Variants in HAVCR1 observed in about 807,000 individuals in gnomAD.
The protein encoded by HAVCR1 is T cell immunoglobin domain and mucin domain protein 1.
In HAVCR1, 34 loss-of-function variants were observed where a neutral mutation model predicts 32.0. The ratio of observed to expected loss-of-function variants is 1.06; its 90% confidence interval spans 0.81 to 1.42. The LOEUF (loss-of-function observed/expected upper bound fraction) is 1.42. Among genes scored for constraint, HAVCR1 ranks in the 40% most tolerant of loss-of-function variants. HAVCR1 has a pLI of 0.00. For synonymous variants in HAVCR1, 178 were observed against 170.3 expected (o/e 1.05, Z -0.35); for missense variants, 420 against 442.3 (o/e 0.95, Z 0.45).
intron 6 of HAVCR1, among the ~76,000 whole-genome samples, chr5:157,041,959 C>T (rs953026746): frequency 9.3e-5 from 14 of 150,510 alleles, no homozygotes; most frequent in South Asian, 4.2e-4. Flanking sequence ...CTCTGGAGGC[C>T]GAGGCAGGAG....
chr5:157,050,923 A>G (rs1017005890), intron 4 of HAVCR1, among the ~76,000 whole-genome samples: 2 of 152,234 alleles, frequency 1.3e-5, no homozygotes, highest in East Asian at 1.9e-4. Context: ...AGGGAAATCA[A>G]TATGTTCCAT....
At chr5:157,055,875 A>C (rs1038518808) in intron 2 of HAVCR1, among the ~76,000 whole-genome samples, 4 of 89,006 alleles carry the variant, frequency 4.5e-5, no homozygotes, top group South Asian at 3.8e-4. Flanking sequence ...CCCTCCCCCA[A>C]AAAAAAATTC....
intron 1 of HAVCR1, chr5:157,058,452 ACT>A (rs1444887221): frequency 6.5e-6 from 1 of 153,414 alleles, no homozygotes; most frequent in Admixed American, 6.5e-5. Context: ...AGTCCCAGCT[ACT>A]CGGGAGGCTG....
chr5:157,037,504 T>C, intron 6 of HAVCR1, 143 bp from the exon 7 acceptor site: 1 of 586,704 alleles, frequency 1.7e-6, no homozygotes, highest in South Asian at 2.2e-5. Flanking sequence ...CCAAATGATC[T>C]CAGTTTATAA....
At chr5:157,037,620 T>G (rs1178299913) in intron 6 of HAVCR1, among the ~76,000 whole-genome samples, 1 of 152,228 alleles carries the variant, frequency 6.6e-6, no homozygotes, top group Admixed American at 6.5e-5. Flanking sequence ...TGTACACATT[T>G]GTCAAAACTA....
At chr5:157,069,377 T>C in the HAVCR1 span, among the ~76,000 whole-genome samples, 3 of 152,158 alleles carry the variant, frequency 2.0e-5, no homozygotes, top group Admixed American at 6.6e-5. Context: ...TAGAAGGCGG[T>C]TTTCCAGCTT....
In HAVCR1 at chr5:157,055,401, C is replaced by T. The variant is rs765450007; in HGVS notation, c.179G>A (p.Gly60Asp). 6.2e-6 allele frequency: 10 copies of T among 1,613,208 alleles called. No individual in the cohort carries two copies. Among genetic ancestry groups the T allele is most frequent in the South Asian group, 4.4e-5 (4 of 91,064 alleles). ...GTGGGTTCCATTGGTCCAGACAATGCCATTTTGGCATGTGAATAGAGAACA... is the reference window on the plus strand; with the variant it reads ...GTGGGTTCCATTGGTCCAGACAATGTCATTTTGGCATGTGAATAGAGAACA... ...GSCSLFTCQN[G>D]IVWTNGTHVT... is the part of the protein sequence containing the mutation. The change falls in exon 3 of 9, where the codon GGC becomes GAC. Residue 60 changes from glycine (G) to aspartate (D), a missense_variant. Coordinates refer to ENST00000523175, the MANE Select transcript of HAVCR1 (RefSeq NM_001173393.3).
intron 5 of HAVCR1, among the ~76,000 whole-genome samples, chr5:157,043,797 T>C (rs576086711): frequency 2.0e-5 from 3 of 152,186 alleles, no homozygotes; most frequent in Non-Finnish European, 4.4e-5. Context: ...TTAATCCCAT[T>C]TTTATGGATA....
Position 157,055,306 on chromosome 5 carries a change from T to C in HAVCR1, c.274A>G (p.Ile92Val), listed in dbSNP as rs1418587490. ...DLSRRDVSLTIENTAVSDSGV... is the reference protein window; with the variant it reads ...DLSRRDVSLTVENTAVSDSGV... Reference sequence around the variant, plus strand: ...CTGTCAGACACAGCTGTATTTTCTATGGTCAAAGAGACATCCCTTCTTGAA... The same window carrying C: ...CTGTCAGACACAGCTGTATTTTCTACGGTCAAAGAGACATCCCTTCTTGAA... The change falls in exon 3 of 9, where the codon ATA becomes GTA. Residue 92 changes from isoleucine to valine, a missense_variant. Transcript: ENST00000523175. The C allele has an allele frequency of 1.9e-6, 3 of 1,613,410 alleles. No individual in the cohort carries two copies. Among genetic ancestry groups the C allele is most frequent in the Admixed American group, 3.3e-5 (2 of 60,014 alleles).
At chr5:157,049,011 G>C (rs1404056358) in intron 5 of HAVCR1, 27 bp downstream of exon 5, 1 of 1,265,486 alleles carries the variant, frequency 7.9e-7, no homozygotes, top group Non-Finnish European at 1.2e-6. Context: ...AATGATCCCA[G>C]GTCTTCAGGA....
At chr5:157,039,593 C>T (rs1754745931) in intron 6 of HAVCR1, among the ~76,000 whole-genome samples, 1 of 152,210 alleles carries the variant, frequency 6.6e-6, no homozygotes, top group Non-Finnish European at 1.5e-5. Context: ...AGGTGATCCA[C>T]CTGCCTCAGC....
chr5:157,033,496 G>A (rs908186416), intron 7 of HAVCR1, among the ~76,000 whole-genome samples: 6 of 148,248 alleles, frequency 4.0e-5, no homozygotes, highest in Non-Finnish European at 4.4e-5. Context: ...CTAGCTAAAG[G>A]CCAGATCCTC....
rs72157678 is a variant in HAVCR1 at position 157,044,586 on chromosome 5, GGAAAGAAAGAAA to G, written c.782-1916_782-1905del. Among the ~76,000 whole-genome samples the G allele has an allele frequency of 1.4e-3, 80 of 56,376 alleles. 1 individual carries two copies. The highest frequency in any genetic ancestry group is 5.2e-3 in the African/African-American group (73 of 13,920). The allele number at this position is 56,376 out of a possible 152,430, so 37.0% of individuals were successfully genotyped here. On this transcript the variant is annotated intron_variant, in intron 5 of 8. Coordinates refer to ENST00000523175, the MANE Select transcript of HAVCR1 (RefSeq NM_001173393.3). ...GAGAGAAAGAAAGACAAAGAAAGAA[GGAAAGAAAGAAA>G]GAAAGAAAGAAAGAAAGAGAAAGAA...
the HAVCR1 span, among the ~76,000 whole-genome samples, chr5:157,066,076 A>AAAAAT: frequency 2.0e-5 from 3 of 149,292 alleles, no homozygotes; most frequent in Non-Finnish European, 4.5e-5. Context: ...AAAAAAAAAA[A>AAAAAT]TGCTGAGGTG....
At chr5:157,042,041 A>G (rs1043083060) in intron 6 of HAVCR1, among the ~76,000 whole-genome samples, 10 of 151,768 alleles carry the variant, frequency 6.6e-5, no homozygotes, top group Non-Finnish European at 7.4e-5. Flanking sequence ...CCTAGGAGAC[A>G]GAGTGATGTT....
chr5:157,050,226 C>T (rs1301489712), intron 4 of HAVCR1, among the ~76,000 whole-genome samples: 5 of 152,166 alleles, frequency 3.3e-5, no homozygotes, highest in East Asian at 1.9e-4. Flanking sequence ...GGCTCTCTTT[C>T]GGAACGAAAA....
At chr5:157,047,001 A>G (rs1755438831) in intron 5 of HAVCR1, among the ~76,000 whole-genome samples, 1 of 152,200 alleles carries the variant, frequency 6.6e-6, no homozygotes, top group South Asian at 2.1e-4. Flanking sequence ...TTATACATAC[A>G]TATATAGATA....
chr5:157,045,239 G>A (rs1017888685), intron 5 of HAVCR1, among the ~76,000 whole-genome samples: 4 of 152,128 alleles, frequency 2.6e-5, no homozygotes, highest in African/African-American at 9.7e-5. Context: ...TAGTATTTGA[G>A]GAATATAGTT....
At chr5:157,063,171 C>T (rs2113664447), upstream of HAVCR1, among the ~76,000 whole-genome samples, 1 of 143,860 alleles carries the variant, frequency 7.0e-6, no homozygotes, top group South Asian at 2.2e-4. Flanking sequence ...ATAAAAATAC[C>T]AAAAGTGTAC....
Sources: allele counts gnomAD v4.1 joint callset (sites outside exome capture counted in the v4.1 genomes callset), GRCh38; gene constraint gnomAD v4.1.1; transcripts MANE v1.5; gene names NCBI Gene and HGNC (gene_info 2026-07-23, HGNC 2026-07-21).